CADM2: variants seen among roughly 807,000 people sequenced by gnomAD.
CADM2 encodes immunoglobulin superfamily member 4D.
In CADM2, 12 loss-of-function variants were observed where a neutral mutation model predicts 49.8. That is an observed-to-expected ratio of 0.24 (90% CI 0.15 to 0.39). The LOEUF (loss-of-function observed/expected upper bound fraction) is 0.39. CADM2 is among the 10% of genes least tolerant of loss of function. CADM2 has a pLI of 1.00. For synonymous variants in CADM2, 214 were observed against 175.4 expected, an observed-to-expected ratio of 1.22 and a Z score of -1.74; for missense variants, 378 against 492.3, an observed-to-expected ratio of 0.77 and a Z score of 2.20.
intron 1 of CADM2, among the ~76,000 whole-genome samples, chr3:85,643,863 G>T (rs2064806759): frequency 6.6e-6 from 1 of 152,030 alleles, no homozygotes; most frequent in South Asian, 2.1e-4. Context: ...AGATGTTAGA[G>T]CCCTACCCTC....
intron 1 of CADM2, among the ~76,000 whole-genome samples, chr3:85,464,086 A>G (rs984360643): frequency 6.6e-6 from 1 of 152,182 alleles, no homozygotes; most frequent in African/African-American, 2.4e-5. Context: ...CTAATAATAA[A>G]CATATTTTAG....
chr3:85,840,941 T>A (rs2074612656), intron 3 of CADM2, among the ~76,000 whole-genome samples: 3 of 151,818 alleles, frequency 2.0e-5, no homozygotes, highest in Non-Finnish European at 4.4e-5. Context: ...TGAAAGTAAC[T>A]ACATATCATA....
At chr3:85,454,817 A>G (rs745592180) in intron 1 of CADM2, among the ~76,000 whole-genome samples, 13 of 150,526 alleles carry the variant, frequency 8.6e-5, no homozygotes, top group Non-Finnish European at 1.8e-4. Flanking sequence ...AGAGGGTGAT[A>G]TTAATCAGTA....
chr3:85,447,423 T>C (rs1388091344), intron 1 of CADM2, among the ~76,000 whole-genome samples: 1 of 152,202 alleles, frequency 6.6e-6, no homozygotes, highest in Admixed American at 6.5e-5. Flanking sequence ...AATATTTCAT[T>C]TGTTTATAAT....
chr3:85,045,141 C>T (rs1215812815), intron 1 of CADM2, among the ~76,000 whole-genome samples: 5 of 152,054 alleles, frequency 3.3e-5, no homozygotes, highest in African/African-American at 1.2e-4. Flanking sequence ...ATTCTGATAC[C>T]TAGGTTTGCT....
intron 1 of CADM2, among the ~76,000 whole-genome samples, chr3:85,709,829 A>G (rs769088713): frequency 8.5e-5 from 13 of 152,154 alleles, no homozygotes; most frequent in Non-Finnish European, 1.8e-4. Context: ...TTTAATTCAC[A>G]TTATTCATAA....
At chr3:85,911,921 ATT>A (rs34682818) in intron 5 of CADM2, among the ~76,000 whole-genome samples, 2 of 150,538 alleles carry the variant, frequency 1.3e-5, no homozygotes, top group East Asian at 1.9e-4. Context: ...GAATTTTTTA[ATT>A]TTTTTTATTA....
At chr3:85,751,194 T>C (rs78786926) in intron 2 of CADM2, among the ~76,000 whole-genome samples, 1,872 of 152,020 alleles carry the variant, frequency 0.012, 30 homozygotes, top group African/African-American at 0.041. Context: ...GAACCTAAGA[T>C]AAAAATCTAG....
chr3:85,208,749 G>A (rs2041709917), intron 1 of CADM2, among the ~76,000 whole-genome samples: 1 of 152,048 alleles, frequency 6.6e-6, no homozygotes, highest in Non-Finnish European at 1.5e-5. Flanking sequence ...AATAATCTCT[G>A]ATTCACTTAT....
chr3:85,210,885 A>G (rs1428102016), intron 1 of CADM2, among the ~76,000 whole-genome samples: 3 of 152,284 alleles, frequency 2.0e-5, no homozygotes, highest in South Asian at 2.1e-4. Context: ...AATGTTTGGT[A>G]AAATTCAGCA....
intron 1 of CADM2, among the ~76,000 whole-genome samples, chr3:85,303,483 A>C (rs1009921450): frequency 2.0e-5 from 3 of 151,888 alleles, no homozygotes; most frequent in Non-Finnish European, 4.4e-5. Context: ...AATTGATGAA[A>C]TTGGGAAGAC....
chr3:85,210,662 C>G (rs1045084157), intron 1 of CADM2, among the ~76,000 whole-genome samples: 1 of 152,040 alleles, frequency 6.6e-6, no homozygotes, highest in African/African-American at 2.4e-5. Context: ...CCACCTGAGC[C>G]TCGGAGTAGC....
intron 1 of CADM2, among the ~76,000 whole-genome samples, chr3:85,719,406 C>G (rs2067418724): frequency 6.6e-6 from 1 of 152,278 alleles, no homozygotes; most frequent in South Asian, 2.1e-4. Flanking sequence ...AGGAAAACTC[C>G]TAACTCCCCA....
chr3:85,051,751 ATTTCT>A (rs2035889900), intron 1 of CADM2, among the ~76,000 whole-genome samples: 1 of 152,176 alleles, frequency 6.6e-6, no homozygotes, highest in South Asian at 2.1e-4. Context: ...TTGTCAAATC[ATTTCT>A]TTTCCAGAAT....
At chr3:86,056,169 C>T (rs1013646015) in intron 8 of CADM2, among the ~76,000 whole-genome samples, 5 of 152,148 alleles carry the variant, frequency 3.3e-5, no homozygotes, top group East Asian at 3.9e-4. Context: ...TTATGAATGT[C>T]AGTGGGAAAG....
At chr3:85,277,380 C>T (rs1344664173) in intron 1 of CADM2, among the ~76,000 whole-genome samples, 1 of 151,348 alleles carries the variant, frequency 6.6e-6, no homozygotes, top group African/African-American at 2.4e-5. Context: ...CATTCTTTAG[C>T]TCTTTAGCTT....
chr3:85,275,705 A>G (rs930582278), intron 1 of CADM2, among the ~76,000 whole-genome samples: 1 of 151,148 alleles, frequency 6.6e-6, no homozygotes, highest in Non-Finnish European at 1.5e-5. Context: ...TTGCTAAGTG[A>G]TTTCTTAGAT....
chr3:85,691,824 A>G (rs1361810392), intron 1 of CADM2, among the ~76,000 whole-genome samples: 1 of 152,224 alleles, frequency 6.6e-6, no homozygotes, highest in African/African-American at 2.4e-5. Context: ...TGTCCTTTGT[A>G]GGGACATGGA....
At chr3:85,460,409 T>TA (rs2038190111) in intron 1 of CADM2, among the ~76,000 whole-genome samples, 1 of 152,172 alleles carries the variant, frequency 6.6e-6, no homozygotes, top group African/African-American at 2.4e-5. Flanking sequence ...TCAGACACAC[T>TA]TATTGATCTA....
Sources: allele counts gnomAD v4.1 joint callset (sites outside exome capture counted in the v4.1 genomes callset), GRCh38; gene constraint gnomAD v4.1.1; transcripts MANE v1.5; gene names NCBI Gene and HGNC (gene_info 2026-07-23, HGNC 2026-07-21).